The following CFAP43 variants were observed in gnomAD, a reference collection of about 807,000 sequenced individuals.
CFAP43 encodes the protein cilia- and flagella-associated protein 43.
A neutral mutation model predicts 218.9 loss-of-function variants in CFAP43; 155 were observed. The observed-to-expected ratio is 0.71, with a 90% CI of 0.62 to 0.81. CFAP43 has a LOEUF of 0.81. CFAP43 is among the 30% of genes least tolerant of loss of function. CFAP43 has a pLI of 0.00. For missense variants in CFAP43, 1,778 were observed against 1,954.3 expected (o/e 0.91, Z 1.70); for synonymous variants, 645 against 681.3 (o/e 0.95, Z 0.83).
intron 2 of CFAP43, among the ~76,000 whole-genome samples, chr10:104,227,282 C>T (rs1202279587): frequency 2.0e-5 from 3 of 152,080 alleles, no homozygotes; most frequent in Non-Finnish European, 4.4e-5. Flanking sequence ...AAATCTTTGA[C>T]CATATTTCTA....
chr10:104,209,929 T>C (rs2090803401), intron 5 of CFAP43, among the ~76,000 whole-genome samples: 2 of 152,196 alleles, frequency 1.3e-5, no homozygotes, highest in Non-Finnish European at 1.5e-5. Flanking sequence ...TAAAATGGCA[T>C]AGTATTTCCA....
At chr10:104,152,124 C>G (rs1412915078) in intron 28 of CFAP43, among the ~76,000 whole-genome samples, 1 of 152,138 alleles carries the variant, frequency 6.6e-6, no homozygotes, top group Non-Finnish European at 1.5e-5. Context: ...TTGAACAAAG[C>G]CCTTTGCTAT....
In CFAP43 at chr10:104,146,196, AC is replaced by A. The variant is rs1406421279; in HGVS notation, c.3855+66del. 3.8e-5 allele frequency: 50 copies of A among 1,312,590 alleles called. No individual in the cohort carries two copies. The African/African-American group carries it at 6.0e-4, about 16-fold the overall frequency. The allele number at this position is 1,312,590 out of a possible 1,614,324, so 81.3% of individuals were successfully genotyped here. A position where few individuals can be genotyped will look rare whatever the true frequency, so the allele number is the denominator to read the frequency against. Reference sequence around the variant, plus strand: ...AGAAAATTATATTATATCCCCTTTAACCTTCCTCCAATCCAGGCAGCAACAA... The same window carrying A: ...AGAAAATTATATTATATCCCCTTTAACTTCCTCCAATCCAGGCAGCAACAA... On this transcript the variant is annotated intron_variant, in intron 30 of 37. Coordinates refer to ENST00000357060, the MANE Select transcript of CFAP43 (RefSeq NM_025145.7).
chr10:104,221,964 C>T (rs1490929808), intron 3 of CFAP43, among the ~76,000 whole-genome samples: 1 of 152,136 alleles, frequency 6.6e-6, no homozygotes, highest in East Asian at 1.9e-4. Context: ...TCCCAGACCC[C>T]ACCAGCCTGG....
At chr10:104,220,324 C>A (rs968331819) in intron 3 of CFAP43, among the ~76,000 whole-genome samples, 1 of 152,146 alleles carries the variant, frequency 6.6e-6, no homozygotes, top group African/African-American at 2.4e-5. Flanking sequence ...GTTTAAGCCA[C>A]CCAGTCTGTG....
rs769342280 is a variant in CFAP43 at position 104,198,056 on chromosome 10, G to A, written c.1096-18C>T. The A allele has an allele frequency of 7.1e-7, 1 of 1,406,536 alleles. No homozygotes were observed. The highest frequency in any genetic ancestry group is 1.0e-6 in the Non-Finnish European group (1 of 999,474). 87.1% of individuals were successfully genotyped at this position (1,406,536 alleles called of 1,614,324 possible). ...ACAGATCCCTGATAAACATACAAAA[G>A]AAAAGAAACACATTGTAATTGTTGT... On this transcript the variant is annotated intron_variant, in intron 8 of 37. Coordinates refer to ENST00000357060, the MANE Select transcript of CFAP43 (RefSeq NM_025145.7).
intron 26 of CFAP43, 123 bp from the exon 27 acceptor site, chr10:104,161,285 A>G: frequency 2.9e-6 from 3 of 1,039,060 alleles, no homozygotes; most frequent in Middle Eastern, 2.1e-4. Flanking sequence ...TGGCAAGGAA[A>G]ACGACCTGAC....
chr10:104,183,159 T>C (rs1043122849), intron 16 of CFAP43, among the ~76,000 whole-genome samples: 4 of 152,156 alleles, frequency 2.6e-5, no homozygotes, highest in Non-Finnish European at 5.9e-5. Flanking sequence ...CACCAGGGCA[T>C]TGCAAACTTT....
At chr10:104,213,837 T>C (rs1188951684) in intron 4 of CFAP43, among the ~76,000 whole-genome samples, 1 of 152,092 alleles carries the variant, frequency 6.6e-6, no homozygotes, top group Non-Finnish European at 1.5e-5. Flanking sequence ...ACTCGGCCAA[T>C]CTGCATACTT....
At chr10:104,171,521 C>T (rs891653861) in intron 20 of CFAP43, among the ~76,000 whole-genome samples, 1 of 152,210 alleles carries the variant, frequency 6.6e-6, no homozygotes, top group Non-Finnish European at 1.5e-5. Flanking sequence ...AATCAACCTC[C>T]TCTTGGTGTA....
intron 3 of CFAP43, among the ~76,000 whole-genome samples, chr10:104,221,831 G>T (rs7899212): frequency 0.089 from 13,539 of 151,998 alleles, 997 homozygotes; most frequent in African/African-American, 0.21. Context: ...GTTGCTGCAG[G>T]GGGGAGGCAG....
intron 20 of CFAP43, among the ~76,000 whole-genome samples, chr10:104,170,643 G>T (rs2089370480): frequency 6.6e-6 from 1 of 152,020 alleles, no homozygotes; most frequent in South Asian, 2.1e-4. Context: ...AATTCTCTAA[G>T]CCTCTATCTA....
intron 1 of CFAP43, 39 bp downstream of exon 1, chr10:104,232,143 G>C (rs1341123506): frequency 6.3e-7 from 1 of 1,587,136 alleles, no homozygotes; most frequent in Non-Finnish European, 8.6e-7. Flanking sequence ...AGGAGGTTCC[G>C]CGAGACCCAG....
chr10:104,229,096 A>G (rs913004721), intron 2 of CFAP43, among the ~76,000 whole-genome samples: 1 of 152,228 alleles, frequency 6.6e-6, no homozygotes, highest in African/African-American at 2.4e-5. Flanking sequence ...TAGTCCACCT[A>G]GATAGTCCCC....
chr10:104,197,738 G>T (rs556438394), intron 9 of CFAP43, among the ~76,000 whole-genome samples, 184 bp downstream of exon 9: 6 of 152,208 alleles, frequency 3.9e-5, no homozygotes, highest in Non-Finnish European at 8.8e-5. Flanking sequence ...TAACCGGGGG[G>T]TAGATTTGAA....
intron 27 of CFAP43, among the ~76,000 whole-genome samples, chr10:104,155,415 C>T (rs192626575): frequency 6.6e-6 from 1 of 152,294 alleles, no homozygotes; most frequent in Non-Finnish European, 1.5e-5. Flanking sequence ...TGTCTGTGTT[C>T]ACCATCATAG....
At chr10:104,180,361 A>C (rs1324440644) in intron 17 of CFAP43, among the ~76,000 whole-genome samples, 2 of 151,722 alleles carry the variant, frequency 1.3e-5, no homozygotes, top group African/African-American at 4.8e-5. Context: ...TCCCAACAGC[A>C]TCCAAACATG....
chr10:104,217,005 G>A (rs567021826), intron 3 of CFAP43, among the ~76,000 whole-genome samples: 1 of 152,284 alleles, frequency 6.6e-6, no homozygotes, highest in Non-Finnish European at 1.5e-5. Context: ...TCTTCTTGAG[G>A]TGTTCTTACT....
In CFAP43 at chr10:104,185,061, A is replaced by G. The variant is rs1273349147; in HGVS notation, c.2096T>C (p.Leu699Pro). The part of the protein sequence containing the change: ...MRISMDGQNI[L>P]VNGRDDGTLV... ...GGTGCCATCATCTCTCCCATTCACC[A>G]GAATGTTTTGTCCATCCATTGAAAT... Residue 699 changes from leucine (L) to proline (P), a missense_variant, in exon 16 of 38, where the codon CTG becomes CCG. Physicochemically the swap from Leu to Pro is moderately conservative, Grantham distance 98 (BLOSUM62 -3). Coordinates refer to ENST00000357060, the MANE Select transcript of CFAP43 (RefSeq NM_025145.7). 6.2e-7 allele frequency: 1 copy of G among 1,614,058 alleles called. No homozygotes were observed. The highest frequency in any genetic ancestry group is 2.2e-5 in the East Asian group (1 of 44,886).
Sources: gnomAD v4.1 joint callset for allele counts (sites outside exome capture counted in the v4.1 genomes callset) on GRCh38, gnomAD v4.1.1 for gene constraint, MANE v1.5 for transcripts, NCBI Gene and HGNC (gene_info 2026-07-23, HGNC 2026-07-21) for gene names.